The following P2RX1 variants were observed in gnomAD, a reference collection of about 807,000 sequenced individuals.
P2RX1 encodes P2X purinoceptor 1.
Under a neutral mutation model 50.3 loss-of-function variants are expected in P2RX1, and 42 were observed. The ratio of observed to expected loss-of-function variants is 0.83; its 90% CI spans 0.65 to 1.08. P2RX1 has a LOEUF of 1.08. Ranked by LOEUF, P2RX1 falls within the 50% of genes least tolerant of loss-of-function variation. The pLI, the probability that P2RX1 is intolerant of heterozygous loss-of-function variation, is 0.00. For missense variants in P2RX1, 449 were observed against 529.0 expected, an observed-to-expected ratio of 0.85 and a Z score of 1.48; for synonymous variants, 199 against 202.6, an observed-to-expected ratio of 0.98 and a Z score of 0.15.
rs537747539 is a variant in P2RX1, at chr17:3,904,855, C to T, written c.357+3G>A. 10 of 1,589,864 alleles carry T rather than the reference C, an allele frequency of 6.3e-6. No homozygotes were observed. In the East Asian group the frequency reaches 9.1e-5, roughly 14 times the overall value. On this transcript the variant is annotated splice_donor_region_variant and intron_variant, in intron 3 of 11. Coordinates refer to ENST00000225538, the MANE Select transcript of P2RX1 (RefSeq NM_002558.4). The stretch of plus-strand genomic sequence containing the variant: ...AAGGGGGCTGGCGGGCAGAAGTCCT[C>T]ACCTCTGCGCAGTAGCCTTGAGTCT...
chr17:3,904,014 C>T lies in P2RX1; in HGVS notation c.438G>A (p.Thr146=), dbSNP rs139091182. Residue 146 remains threonine (T), a synonymous_variant, in exon 5 of 12, where the codon ACG becomes ACA. Transcript: ENST00000225538. ...KAKRKAQGIR[T]GKCVAFNDTV... ...TGTCGTTGAAGGCCACACACTTGCC[C>T]GTGCGGATGCCTGGAGCCAGAGGGA... 3.2e-4 allele frequency: 514 copies of T among 1,613,964 alleles called. 5 individuals carry two copies. The highest frequency in any genetic ancestry group is 3.1e-3 in the South Asian group (279 of 91,084).
At position 3,898,507 on chromosome 17, in the gene P2RX1, A is replaced by G; in HGVS notation, c.1009T>C (p.Ser337Pro). The change falls in exon 10 of 12, where the codon TCT (serine) becomes CCT (proline). Residue 337 changes from serine to proline, a missense_variant. Ser to Pro is a moderately conservative substitution (Grantham distance 74). Transcript: ENST00000225538. The stretch of plus-strand genomic sequence containing the variant: ...ACCACCCCAAAGATGCCAATTCCAG[A>G]GCCGATGGTGGTCATTGTAGGGATG... ...DIIPTMTTIG[S>P]GIGIFGVATV... is the part of the protein sequence containing the mutation. 1 of 1,613,944 alleles carries G rather than the reference A, an allele frequency of 6.2e-7. No individual in the cohort carries two copies. Among genetic ancestry groups the G allele is most frequent in the East Asian group, 2.2e-5 (1 of 44,870 alleles).
At chr17:3,906,162 C>T (rs907036665) in intron 1 of P2RX1, among the ~76,000 whole-genome samples, 10 of 152,080 alleles carry the variant, frequency 6.6e-5, no homozygotes, top group African/African-American at 9.7e-5. Context: ...GACGGAGTCT[C>T]GCTTTGTCAC....
intron 1 of P2RX1, among the ~76,000 whole-genome samples, chr17:3,907,421 C>T (rs1183380247): frequency 6.6e-6 from 1 of 151,862 alleles, no homozygotes; most frequent in Non-Finnish European, 1.5e-5. Context: ...CCTTACCCTA[C>T]CCCGAGCTCA....
intron 1 of P2RX1, 137 bp downstream of exon 1, chr17:3,915,952 A>C (rs796552309): frequency 9.5e-7 from 1 of 1,048,590 alleles, no homozygotes; most frequent in Admixed American, 2.0e-5. Context: ...CTATTCTCGC[A>C]CAGTGGCTTG....
In P2RX1 at chr17:3,905,364, C is replaced by T. The variant is rs1243481628; in HGVS notation, c.141G>A (p.Trp47Ter). 2 of 1,613,432 alleles carry T rather than the reference C, an allele frequency of 1.2e-6. No homozygotes were observed. Among genetic ancestry groups the T allele is most frequent in the Non-Finnish European group, 1.7e-6 (2 of 1,180,016 alleles). ...QLVVLVYVIGWVFLYEKGYQT... is the reference protein window; with the variant it reads ...QLVVLVYVIG ...GGTAGCCCTTCTCATAGAGAAACAC[C>T]CACCTGTGCGGGTGGGGACAGAGGG... The change falls in exon 2 of 12, where the codon TGG (tryptophan) becomes TGA (stop). Residue 47 changes from tryptophan to a stop codon, truncating the protein, a stop_gained. Coordinates refer to ENST00000225538, the MANE Select transcript of P2RX1 (RefSeq NM_002558.4). LOFTEE classifies it high-confidence loss of function.
chr17:3,913,380 G>A (rs1441313984), intron 1 of P2RX1, among the ~76,000 whole-genome samples: 1 of 152,162 alleles, frequency 6.6e-6, no homozygotes, highest in Non-Finnish European at 1.5e-5. Context: ...TCCCACCTCA[G>A]CCTCCCAAAG....
At chr17:3,900,048 C>T (rs1304398098) in intron 7 of P2RX1, among the ~76,000 whole-genome samples, 1 of 152,040 alleles carries the variant, frequency 6.6e-6, no homozygotes, top group Non-Finnish European at 1.5e-5. Flanking sequence ...TTGCAGTGAG[C>T]CGAGATCCCA....
rs749494900 is a variant in P2RX1 at position 3,898,116 on chromosome 17, G to A, written c.1033-6C>T. The A allele has an allele frequency of 3.1e-6, 5 of 1,612,384 alleles. No individual in the cohort carries two copies. Among genetic ancestry groups the A allele is most frequent in the Non-Finnish European group, 3.4e-6 (4 of 1,178,854 alleles). Reference sequence around the variant, plus strand: ...AGGTCACAGAGAACTGTGGCCTGGGGTCAGGGAAGGGCACGGAGACAGCGT... The same window carrying A: ...AGGTCACAGAGAACTGTGGCCTGGGATCAGGGAAGGGCACGGAGACAGCGT... On this transcript the variant is annotated splice_polypyrimidine_tract_variant and splice_region_variant and intron_variant, in intron 10 of 11. Transcript: ENST00000225538.
intron 7 of P2RX1, among the ~76,000 whole-genome samples, chr17:3,901,091 G>A (rs920341473): frequency 4.0e-5 from 6 of 151,656 alleles, no homozygotes; most frequent in Non-Finnish European, 7.4e-5. Context: ...TTTGTGAGAC[G>A]GAGTCTTGCT....
In P2RX1 at chr17:3,903,684, T is replaced by TC; in HGVS notation, c.525-54dup. On this transcript the variant is annotated intron_variant, in intron 5 of 11. Transcript: ENST00000225538. The surrounding 1 kb of genome is among the most constrained non-coding windows in gnomAD (Gnocchi z 4.6). ...CCCTCCCCAGGAGGCCCCCTGTGTGTCCCACACAGAGCTTGGCACAGCAGG... is the reference window on the plus strand; with the variant it reads ...CCCTCCCCAGGAGGCCCCCTGTGTGTCCCCACACAGAGCTTGGCACAGCAGG... 1 of 1,557,258 alleles carries TC rather than the reference T, an allele frequency of 6.4e-7. No homozygotes were observed. The highest frequency in any genetic ancestry group is 8.9e-7 in the Non-Finnish European group (1 of 1,129,614).
chr17:3,913,095 TC>T (rs2056392059), intron 1 of P2RX1, among the ~76,000 whole-genome samples: 1 of 151,144 alleles, frequency 6.6e-6, no homozygotes, highest in South Asian at 2.1e-4. Flanking sequence ...GACAGAGAGC[TC>T]ATCAGCTCTT....
chr17:3,898,999 C>T lies in P2RX1; in HGVS notation c.901G>A (p.Gly301Arg), dbSNP rs770151439. The change falls in exon 9 of 12, where the codon GGG becomes AGG. Residue 301 changes from glycine (G) to arginine (R), a missense_variant. Transcript: ENST00000225538. ...FRFARHFVEN[G>R]TNYRHLFKVF... ...TTGAAGAGGTGACGGTAGTTGGTCCCGTTCTCCACAAAGTGCCTGGCAAAC... is the reference window on the plus strand; with the variant it reads ...TTGAAGAGGTGACGGTAGTTGGTCCTGTTCTCCACAAAGTGCCTGGCAAAC... 1.2e-5 allele frequency: 20 copies of T among 1,613,120 alleles called. No homozygotes were observed. Among genetic ancestry groups the T allele is most frequent in the South Asian group, 4.4e-5 (4 of 91,024 alleles).
chr17:3,915,337 G>T (rs747142367), intron 1 of P2RX1: 1 of 396,704 alleles, frequency 2.5e-6, no homozygotes, highest in Admixed American at 3.0e-5. Flanking sequence ...CAGCACCAGG[G>T]ACACACACCC....
intron 7 of P2RX1, among the ~76,000 whole-genome samples, chr17:3,901,319 G>A (rs532333824): frequency 7.2e-4 from 109 of 152,326 alleles, no homozygotes; most frequent in Admixed American, 2.0e-3. Context: ...CGCCCGCCTT[G>A]GCCTCCCAAA....
intron 1 of P2RX1, among the ~76,000 whole-genome samples, chr17:3,907,290 C>CAT (rs3222958): frequency 7.4e-6 from 1 of 134,358 alleles, no homozygotes; most frequent in Non-Finnish European, 1.6e-5. Flanking sequence ...TTCAGGGTAA[C>CAT]GTGTGTGTGT....
rs895084281 is a variant in P2RX1, at chr17:3,914,766, G to A, written c.137+1323C>T. Reference sequence around the variant, plus strand: ...GTCAGGAGGGCTCAGCTGCAACCCTGGGTTTGCTGCTGACTTGCTGTGGAC... The same window carrying A: ...GTCAGGAGGGCTCAGCTGCAACCCTAGGTTTGCTGCTGACTTGCTGTGGAC... On this transcript the variant is annotated intron_variant, in intron 1 of 11. Transcript: ENST00000225538. This position sits in a 1 kb window ranked among gnomAD's most constrained non-coding sequence, Gnocchi z 4.1. Among the ~76,000 whole-genome samples the A allele has an allele frequency of 6.6e-6, 1 of 152,172 alleles. No homozygotes were observed. Among genetic ancestry groups the A allele is most frequent in the Non-Finnish European group, 1.5e-5 (1 of 68,026 alleles).
intron 1 of P2RX1, among the ~76,000 whole-genome samples, chr17:3,908,153 A>G (rs2056300768): frequency 6.6e-6 from 1 of 152,202 alleles, no homozygotes; most frequent in Admixed American, 6.5e-5. Flanking sequence ...GAGGGGAAAC[A>G]GAGCCACCTG....
rs907301668 is a variant in P2RX1 at position 3,909,750 on chromosome 17, C to G, written c.138-4383G>C. ...ATGCGCCAAACACTGTTGAACAAAACAAACACAAAAGTGAACAAAACAAAC... is the reference window on the plus strand; with the variant it reads ...ATGCGCCAAACACTGTTGAACAAAAGAAACACAAAAGTGAACAAAACAAAC... On this transcript the variant is annotated intron_variant, in intron 1 of 11. Coordinates refer to ENST00000225538, the MANE Select transcript of P2RX1 (RefSeq NM_002558.4). Among the ~76,000 whole-genome samples, 5 of 152,104 alleles carry G rather than the reference C, an allele frequency of 3.3e-5. 1 individual carries two copies. Among genetic ancestry groups the G allele is most frequent in the Admixed American group, 3.3e-4 (5 of 15,268 alleles).
Sources: allele counts gnomAD v4.1 joint callset (sites outside exome capture counted in the v4.1 genomes callset), GRCh38; gene constraint gnomAD v4.1.1; non-coding constraint Gnocchi (gnomAD v3.1); transcripts MANE v1.5; gene names NCBI Gene and HGNC (gene_info 2026-07-23, HGNC 2026-07-21).